The following PSD2 variants were observed in gnomAD, a reference collection of about 807,000 sequenced individuals.
PSD2 encodes the protein pleckstrin and Sec7 domain containing 2.
A neutral mutation model predicts 69.8 loss-of-function variants in PSD2; 38 were observed. The observed-to-expected ratio is 0.54, with a 90% CI of 0.42 to 0.71. The LOEUF (loss-of-function observed/expected upper bound fraction) is 0.71, where lower values mean the gene tolerates loss of function less well. Ranked by LOEUF, PSD2 falls within the 30% of genes least tolerant of loss-of-function variation. PSD2 has a pLI of 0.00. For missense variants in PSD2, 943 were observed against 1,014.5 expected, an observed-to-expected ratio of 0.93 and a Z score of 0.96; for synonymous variants, 412 against 423.0, an observed-to-expected ratio of 0.97 and a Z score of 0.32.
intron 7 of PSD2, among the ~76,000 whole-genome samples, chr5:139,831,157 C>T (rs959445699): frequency 1.3e-5 from 2 of 151,990 alleles, no homozygotes; most frequent in Non-Finnish European, 2.9e-5. Context: ...CAGATTGACC[C>T]TTTTATCACT....
chr5:139,769,014 A>C, the PSD2 span, among the ~76,000 whole-genome samples: 1 of 152,250 alleles, frequency 6.6e-6, no homozygotes, highest in South Asian at 2.1e-4. Context: ...CCCTGCCCTC[A>C]TGGAATTCTG....
upstream of PSD2, among the ~76,000 whole-genome samples, chr5:139,794,096 G>T (rs1488636095): frequency 6.6e-6 from 1 of 152,174 alleles, no homozygotes; most frequent in Admixed American, 6.5e-5. Context: ...TTAAGATCCT[G>T]GGCACCTGCA....
intron 4 of PSD2, among the ~76,000 whole-genome samples, chr5:139,816,557 A>G (rs926783164): frequency 6.6e-6 from 1 of 152,160 alleles, no homozygotes; most frequent in African/African-American, 2.4e-5. Context: ...ATGTTTCTCT[A>G]TTTCCCATGA....
At chr5:139,752,678 A>G in the PSD2 span, among the ~76,000 whole-genome samples, 1 of 152,162 alleles carries the variant, frequency 6.6e-6, no homozygotes, top group Admixed American at 6.5e-5. Context: ...AGGCACAGAA[A>G]CACACACAAG....
chr5:139,808,672 C>A (rs532221101), intron 1 of PSD2, among the ~76,000 whole-genome samples: 1 of 152,206 alleles, frequency 6.6e-6, no homozygotes, highest in South Asian at 2.1e-4. Context: ...CCTCCTTCCT[C>A]CCAGACAGCT....
chr5:139,819,792 G>A (rs1268330535), intron 5 of PSD2, among the ~76,000 whole-genome samples: 1 of 152,160 alleles, frequency 6.6e-6, no homozygotes, highest in Non-Finnish European at 1.5e-5. Flanking sequence ...TAAAGATTGC[G>A]CTAGAATGAG....
chr5:139,805,907 A>G (rs1759793654), intron 1 of PSD2, among the ~76,000 whole-genome samples: 1 of 152,046 alleles, frequency 6.6e-6, no homozygotes, highest in African/African-American at 2.4e-5. Flanking sequence ...GATTATGAGG[A>G]GGGAGGAAGG....
chr5:139,765,036 T>C, the PSD2 span, among the ~76,000 whole-genome samples: 1 of 152,002 alleles, frequency 6.6e-6, no homozygotes, highest in Non-Finnish European at 1.5e-5. Flanking sequence ...TCCCCACTTC[T>C]CATAGATAAT....
the PSD2 span, among the ~76,000 whole-genome samples, chr5:139,784,714 C>A: frequency 6.6e-6 from 1 of 152,144 alleles, no homozygotes; most frequent in Admixed American, 6.6e-5. Context: ...GGCTTTTCTT[C>A]CTTCCTGGAA....
At chr5:139,810,341 A>T (rs906026383) in intron 2 of PSD2, among the ~76,000 whole-genome samples, 2 of 152,158 alleles carry the variant, frequency 1.3e-5, no homozygotes, top group African/African-American at 4.8e-5. Context: ...GGCAATGGAG[A>T]GACCTGGAGT....
chr5:139,830,817 G>C (rs574819135), intron 7 of PSD2, among the ~76,000 whole-genome samples: 14 of 136,478 alleles, frequency 1.0e-4, no homozygotes, highest in African/African-American at 3.9e-4. Flanking sequence ...ACCACACCTG[G>C]ACTTGCTTTT....
chr5:139,767,485 T>A, the PSD2 span, among the ~76,000 whole-genome samples: 1 of 152,102 alleles, frequency 6.6e-6, no homozygotes, highest in Non-Finnish European at 1.5e-5. Context: ...CAGCTAATTT[T>A]TGTATTTTTA....
intron 1 of PSD2, among the ~76,000 whole-genome samples, chr5:139,803,453 G>A (rs983396634): frequency 7.2e-5 from 11 of 152,214 alleles, no homozygotes; most frequent in African/African-American, 2.7e-4. Context: ...CTTGAGCACT[G>A]AACACATGCC....
At chr5:139,752,827 C>T in the PSD2 span, among the ~76,000 whole-genome samples, 229 of 152,344 alleles carry the variant, frequency 1.5e-3, no homozygotes, top group African/African-American at 4.8e-3. Flanking sequence ...TGTGCACAAC[C>T]TTTCACAGGC....
chr5:139,759,644 G>A, the PSD2 span, among the ~76,000 whole-genome samples: 4 of 152,220 alleles, frequency 2.6e-5, no homozygotes, highest in Admixed American at 1.3e-4. Flanking sequence ...CGTGGCGGGC[G>A]CCGCGCCACG....
the PSD2 span, among the ~76,000 whole-genome samples, chr5:139,760,799 A>G: frequency 1.1e-3 from 164 of 152,312 alleles, no homozygotes; most frequent in African/African-American, 3.6e-3. Flanking sequence ...CTCCCAAACA[A>G]GAGCCACAAG....
chr5:139,780,844 C>T, the PSD2 span, among the ~76,000 whole-genome samples: 1 of 152,212 alleles, frequency 6.6e-6, no homozygotes, highest in East Asian at 1.9e-4. Flanking sequence ...TGTCCAGACC[C>T]TTGGTTAACT....
chr5:139,831,183 T>C (rs1760591795), intron 7 of PSD2, among the ~76,000 whole-genome samples: 1 of 152,216 alleles, frequency 6.6e-6, no homozygotes, highest in Non-Finnish European at 1.5e-5. Flanking sequence ...CATGTCCGTC[T>C]TTATGTCTAG....
chr5:139,753,166 A>G, the PSD2 span, among the ~76,000 whole-genome samples: 4 of 152,246 alleles, frequency 2.6e-5, no homozygotes, highest in African/African-American at 9.6e-5. Flanking sequence ...GATTAGAGAC[A>G]GCCAGGACCC....
Sources: allele counts gnomAD v4.1 joint callset (sites outside exome capture counted in the v4.1 genomes callset), GRCh38; gene constraint gnomAD v4.1.1; transcripts MANE v1.5; gene names NCBI Gene and HGNC (gene_info 2026-07-23, HGNC 2026-07-21).